Variants in LMTK3 observed in about 807,000 individuals in gnomAD.
The protein encoded by LMTK3 is lemur tail kinase 3.
LMTK3 carries 27 observed loss-of-function variants against 116.7 expected under a neutral mutation model. The ratio of observed to expected loss-of-function variants is 0.23; its 90% CI spans 0.17 to 0.32. The LOEUF is 0.32. Ranked by LOEUF, LMTK3 falls within the 10% of genes least tolerant of loss-of-function variation. The pLI, the probability that LMTK3 is intolerant of heterozygous loss-of-function variation, is 1.00. For synonymous variants in LMTK3, 965 were observed against 971.0 expected (o/e 0.99, Z 0.11); for missense variants, 1,764 against 2,068.5 (o/e 0.85, Z 2.86).
chr19:48,498,893 CG>C lies in LMTK3; in HGVS notation c.2175del (p.Ala726ProfsTer132), dbSNP rs1555901301. 5.6e-5 allele frequency: 56 copies of C among 1,001,802 alleles called. No individual in the cohort carries two copies. The highest frequency in any genetic ancestry group is 9.8e-5 in the South Asian group (2 of 20,370). The allele number at this position is 1,001,802 out of a possible 1,614,324, so 62.1% of individuals were successfully genotyped here. A position where few individuals can be genotyped will look rare whatever the true frequency, so the allele number is the denominator to read the frequency against. On this transcript the variant is annotated frameshift_variant, in exon 11 of 15. Coordinates refer to ENST00000600059, the MANE Select transcript of LMTK3 (RefSeq NM_001388485.1). LOFTEE classifies it high-confidence loss of function. Reference protein sequence around the residue: ...GSLADLPMAPPASAPPEFLDP... With the variant: ...GSLADLPMAPXASAPPEFLDP... ...TCCAGAAACTCGGGGGGGGCCGAGG[CG>C]GGGGGGGCCATGGGCAAGTCGGCCA...
chr19:48,495,318 G>A (rs561244193), intron 11 of LMTK3, among the ~76,000 whole-genome samples: 1 of 152,192 alleles, frequency 6.6e-6, no homozygotes, highest in East Asian at 1.9e-4. Flanking sequence ...CCTAGAGGGG[G>A]TTTTTCTGGA....
At position 48,485,437 on chromosome 19, in the gene LMTK3, G is replaced by A; in HGVS notation, c.*336C>T. 1 of 294,934 alleles carries A rather than the reference G, an allele frequency of 3.4e-6. No homozygotes were observed. The highest frequency in any genetic ancestry group is 6.5e-6 in the Non-Finnish European group (1 of 154,456). 18.3% of individuals were successfully genotyped at this position (294,934 alleles called of 1,614,324 possible). A position where few individuals can be genotyped will look rare whatever the true frequency, so the allele number is the denominator to read the frequency against. The stretch of plus-strand genomic sequence containing the variant: ...GGCCCCTGTCTTGGGCCAGGAGTGG[G>A]TGAGGAGGGACCTCCGCTGTGTCGA... On this transcript the variant is annotated 3_prime_UTR_variant, in exon 15 of 15. Coordinates refer to ENST00000600059, the MANE Select transcript of LMTK3 (RefSeq NM_001388485.1).
chr19:48,501,004 C>T lies in LMTK3; in HGVS notation c.1143G>A (p.Ala381=), dbSNP rs771026503. ...GGTGGGCTAGCCCTCACCAGTAGTCCGCGTAAGGCAGCTTGAGCCTCGGCC... is the reference window on the plus strand; with the variant it reads ...GGTGGGCTAGCCCTCACCAGTAGTCTGCGTAAGGCAGCTTGAGCCTCGGCC... ...LARPRLKLPY[A]DYWYDILQSC... The change falls in exon 10 of 15, where the codon GCG becomes GCA. Residue 381 remains alanine (A), a synonymous_variant. Coordinates refer to ENST00000600059, the MANE Select transcript of LMTK3 (RefSeq NM_001388485.1). 2.6e-6 allele frequency: 4 copies of T among 1,514,194 alleles called. No homozygotes were observed. The highest frequency in any genetic ancestry group is 2.2e-5 in the Admixed American group (1 of 44,796). 93.8% of individuals were successfully genotyped at this position (1,514,194 alleles called of 1,614,324 possible).
Position 48,510,701 on chromosome 19 carries a change from C to T in LMTK3, c.77-109G>A, listed in dbSNP as rs573662462. 3 of 1,274,980 alleles carry T rather than the reference C, an allele frequency of 2.4e-6. No individual in the cohort carries two copies. The South Asian group carries it at 5.1e-5, about 22-fold the overall frequency. The allele number at this position is 1,274,980 out of a possible 1,614,324, so 79.0% of individuals were successfully genotyped here. A position where few individuals can be genotyped will look rare whatever the true frequency, so the allele number is the denominator to read the frequency against. ...GGACTACAACTCCCGTGATGCTCTG[C>T]GACCAGGGTCCCTTGGCAGAGGTGC... On this transcript the variant is annotated intron_variant, in intron 1 of 14. Coordinates refer to ENST00000600059, the MANE Select transcript of LMTK3 (RefSeq NM_001388485.1).
intron 14 of LMTK3, among the ~76,000 whole-genome samples, chr19:48,487,097 C>T (rs545101077): frequency 3.4e-5 from 5 of 148,832 alleles, no homozygotes; most frequent in African/African-American, 7.5e-5. Flanking sequence ...TACAGTGGCA[C>T]GATCTTGGCT....
At chr19:48,487,714 G>T (rs1031213215) in intron 14 of LMTK3, among the ~76,000 whole-genome samples, 1 of 152,094 alleles carries the variant, frequency 6.6e-6, no homozygotes, top group Non-Finnish European at 1.5e-5. Flanking sequence ...AGAAAGCTAA[G>T]GTCCAGGAGG....
At chr19:48,505,957 A>G (rs891612715) in intron 5 of LMTK3, among the ~76,000 whole-genome samples, 10 of 151,992 alleles carry the variant, frequency 6.6e-5, no homozygotes, top group African/African-American at 2.2e-4. Flanking sequence ...CCTGGCCAAC[A>G]TGGTGAAACC....
At chr19:48,501,247 T>C in intron 9 of LMTK3, 36 bp downstream of exon 9, 2 of 1,610,926 alleles carry the variant, frequency 1.2e-6, no homozygotes, top group East Asian at 4.5e-5. Flanking sequence ...TCCACCTTCC[T>C]GGCCTGCCTC....
At position 48,510,110 on chromosome 19, in the gene LMTK3, A is replaced by C; in HGVS notation, c.274T>G (p.Ser92Ala). The C allele has an allele frequency of 6.2e-7, 1 of 1,613,856 alleles. No homozygotes were observed. Among genetic ancestry groups the C allele is most frequent in the Non-Finnish European group, 8.5e-7 (1 of 1,179,828 alleles). ...GEYTPPAEET[S>A]SSQSLPDVYI... ...ACATCAGGCAGCGACTGTGAGGAGG[A>C]GGTCTCCTCCGCAGGGGGAGTGTAC... The change falls in exon 3 of 15, where the codon TCC becomes GCC. Residue 92 changes from serine (S) to alanine (A), a missense_variant. Physicochemically the swap from Ser to Ala is moderately conservative, Grantham distance 99 (BLOSUM62 1). Coordinates refer to ENST00000600059, the MANE Select transcript of LMTK3 (RefSeq NM_001388485.1).
intron 14 of LMTK3, among the ~76,000 whole-genome samples, chr19:48,486,942 T>G (rs1972134635): frequency 6.6e-6 from 1 of 152,026 alleles, no homozygotes; most frequent in Non-Finnish European, 1.5e-5. Flanking sequence ...CTTGACTTGC[T>G]GAAACCTTCG....
chr19:48,489,735 G>A (rs1203607958), intron 14 of LMTK3, among the ~76,000 whole-genome samples: 2 of 152,210 alleles, frequency 1.3e-5, no homozygotes, highest in Non-Finnish European at 2.9e-5. Context: ...GGGAACTGAA[G>A]CACAGAGAGG....
Position 48,491,267 on chromosome 19 carries a change from C to T in LMTK3, c.4229-22G>A, listed in dbSNP as rs1352656085. ...CCTCCTGCGGCAGAAGGAAAGACCG[C>T]GGTCAGGCTGCAGACACCTGCGGCA... On this transcript the variant is annotated intron_variant, in intron 13 of 14. Transcript: ENST00000600059. This position sits in a 1 kb window ranked among gnomAD's most constrained non-coding sequence, Gnocchi z 5.1. 4 of 1,387,746 alleles carry T rather than the reference C, an allele frequency of 2.9e-6. No individual in the cohort carries two copies. The South Asian group carries it at 5.0e-5, about 17-fold the overall frequency. The allele number at this position is 1,387,746 out of a possible 1,614,324, so 86.0% of individuals were successfully genotyped here. A position where few individuals can be genotyped will look rare whatever the true frequency, so the allele number is the denominator to read the frequency against.
At chr19:48,505,146 C>T (rs145396105) in intron 5 of LMTK3, among the ~76,000 whole-genome samples, 1,640 of 110,790 alleles carry the variant, frequency 0.015, 20 homozygotes, top group Non-Finnish European at 0.022. Context: ...CAGAGTCTTG[C>T]TCTGTCGCCC....
intron 7 of LMTK3, 44 bp downstream of exon 7, chr19:48,502,389 C>T: frequency 1.3e-6 from 2 of 1,595,828 alleles, no homozygotes; most frequent in South Asian, 1.1e-5. Flanking sequence ...CCTCCTTCCC[C>T]CTTCCCCTTA....
rs1219284886 is a variant in LMTK3, at chr19:48,485,580, TCTGGGGGG to T, written c.*185_*192del. On this transcript the variant is annotated 3_prime_UTR_variant, in exon 15 of 15. Transcript: ENST00000600059. ...GGGGTCAGGGGGGTCAGGGGAGCCA[TCTGGGGGG>T]CTGGGGGGCGGGGGCCCGGGGCCTC... 13 of 443,948 alleles carry T rather than the reference TCTGGGGGG, an allele frequency of 2.9e-5. No individual in the cohort carries two copies. The highest frequency in any genetic ancestry group is 6.9e-5 in the African/African-American group (1 of 14,432). The allele number at this position is 443,948 out of a possible 1,614,324, so 27.5% of individuals were successfully genotyped here. A position where few individuals can be genotyped will look rare whatever the true frequency, so the allele number is the denominator to read the frequency against.
intron 5 of LMTK3, among the ~76,000 whole-genome samples, chr19:48,507,333 A>T (rs116205596): frequency 0.021 from 3,143 of 152,292 alleles, 105 homozygotes; most frequent in African/African-American, 0.071. Flanking sequence ...TAATGATGGG[A>T]ACATTGGGAT....
rs1972403029 is a variant in LMTK3, at chr19:48,498,989, C to T, written c.2080G>A (p.Gly694Ser). 2.9e-6 allele frequency: 4 copies of T among 1,374,620 alleles called. No individual in the cohort carries two copies. The highest frequency in any genetic ancestry group is 3.8e-6 in the Non-Finnish European group (4 of 1,064,154). 85.2% of individuals were successfully genotyped at this position (1,374,620 alleles called of 1,614,324 possible). ...ERGDAVAGWG[G>S]HPALGCPHPP... ...TGGGGGCAGCCAAGAGCAGGGTGGC[C>T]TCCCCAGCCTGCTACGGCGTCCCCC... The change falls in exon 11 of 15, where the codon GGC (glycine) becomes AGC (serine). Residue 694 changes from glycine (G) to serine (S), a missense_variant. Physicochemically the swap from Gly to Ser is moderately conservative, Grantham distance 56 (BLOSUM62 0). Around this residue, in one of 7 missense-constraint regions of LMTK3, gnomAD observed 1,028 missense variants for 1,050.6 expected, o/e 0.98. Coordinates refer to ENST00000600059, the MANE Select transcript of LMTK3 (RefSeq NM_001388485.1).
At position 48,503,043 on chromosome 19, in the gene LMTK3, T is replaced by G; in HGVS notation, c.558-47A>C. 3 of 1,165,652 alleles carry G rather than the reference T, an allele frequency of 2.6e-6. No homozygotes were observed. The Admixed American group carries it at 5.5e-5, about 22-fold the overall frequency. 72.2% of individuals were successfully genotyped at this position (1,165,652 alleles called of 1,614,324 possible). ...GAGTTGGGAAGGCAGCCCCTTCCTC[T>G]TCATCCTGCCCCAACCCCCAGCAGA... On this transcript the variant is annotated intron_variant, in intron 5 of 14. Transcript: ENST00000600059.
At chr19:48,505,905 C>T (rs1375507969) in intron 5 of LMTK3, among the ~76,000 whole-genome samples, 1 of 149,278 alleles carries the variant, frequency 6.7e-6, no homozygotes, top group Non-Finnish European at 1.5e-5. Context: ...CTTTGGGAGG[C>T]CAAGGTGGGT....
Sources: gnomAD v4.1 joint callset for allele counts (sites outside exome capture counted in the v4.1 genomes callset) on GRCh38, gnomAD v4.1.1 for gene constraint, gnomAD v4.1.1 regional missense constraint, Gnocchi (gnomAD v3.1) non-coding constraint, MANE v1.5 for transcripts, NCBI Gene and HGNC (gene_info 2026-07-23, HGNC 2026-07-21) for gene names.